PAFAH1B2: variants seen among roughly 807,000 people sequenced by gnomAD.
The protein encoded by PAFAH1B2 is platelet activating factor acetylhydrolase 1b catalytic subunit 2.
A neutral mutation model predicts 28.0 loss-of-function variants in PAFAH1B2; 8 were observed. The ratio of observed to expected loss-of-function variants is 0.29; its 90% CI spans 0.17 to 0.52. The LOEUF is 0.52. Ranked by LOEUF, PAFAH1B2 falls within the 20% of genes least tolerant of loss-of-function variation. PAFAH1B2 has a pLI of 0.97. For missense variants in PAFAH1B2, 190 were observed against 282.6 expected, an observed-to-expected ratio of 0.67 and a Z score of 2.35; for synonymous variants, 104 against 103.2, an observed-to-expected ratio of 1.01 and a Z score of -0.05.
chr11:117,175,669 G>A (rs1591761809), downstream of PAFAH1B2: 9 of 1,288,616 alleles, frequency 7.0e-6, no homozygotes, highest in South Asian at 4.0e-5. Flanking sequence ...GGAGTGCCCC[G>A]TTAAATTGCA....
downstream of PAFAH1B2, chr11:117,175,787 C>A: frequency 1.8e-6 from 2 of 1,135,148 alleles, no homozygotes; most frequent in Non-Finnish European, 2.5e-6. Flanking sequence ...ATGAGGCCAA[C>A]TTAGAGTAGT....
chr11:117,172,289 A>G (rs963069819), downstream of PAFAH1B2, among the ~76,000 whole-genome samples: 5 of 149,564 alleles, frequency 3.3e-5, no homozygotes, highest in East Asian at 4.0e-4. Context: ...CTAAACATAT[A>G]ATATTTGTGG....
chr11:117,152,647 G>A (rs186936552), intron 2 of PAFAH1B2, 119 bp downstream of exon 2: 40 of 709,670 alleles, frequency 5.6e-5, no homozygotes, highest in African/African-American at 5.1e-4. Context: ...CAAACTGCAG[G>A]GCTCAAGTGA....
intron 2 of PAFAH1B2, among the ~76,000 whole-genome samples, chr11:117,155,802 G>T (rs998394510): frequency 5.9e-5 from 9 of 152,018 alleles, no homozygotes; most frequent in African/African-American, 2.2e-4. Context: ...CAAGAGGATT[G>T]CTTAAGCACA....
intron 4 of PAFAH1B2, among the ~76,000 whole-genome samples, chr11:117,162,812 C>T (rs904133682): frequency 1.3e-5 from 2 of 151,854 alleles, no homozygotes; most frequent in Non-Finnish European, 2.9e-5. Context: ...CTCTGTGACT[C>T]TTTTCCTTGA....
At chr11:117,153,863 C>A (rs1738891558) in intron 2 of PAFAH1B2, among the ~76,000 whole-genome samples, 1 of 151,570 alleles carries the variant, frequency 6.6e-6, no homozygotes, top group South Asian at 2.1e-4. Flanking sequence ...TGATATAATA[C>A]TATTATTACT....
intron 2 of PAFAH1B2, 46 bp from the exon 3 acceptor site, chr11:117,159,888 G>C: frequency 7.1e-7 from 1 of 1,399,186 alleles, no homozygotes; most frequent in Non-Finnish European, 1.0e-6. Flanking sequence ...ACCACACCCA[G>C]CCAGAAGTGC....
In PAFAH1B2 at chr11:117,170,760, T is replaced by C. The variant is rs1400523293; in HGVS notation, c.*3061T>C. Reference sequence around the variant, plus strand: ...ATGAGCATTGCCAACTTTATATTTATTGCAGTGAAGAAGAAACTAAAAATA... The same window carrying C: ...ATGAGCATTGCCAACTTTATATTTACTGCAGTGAAGAAGAAACTAAAAATA... On this transcript the variant is annotated 3_prime_UTR_variant, in exon 6 of 6. Coordinates refer to ENST00000527958, the MANE Select transcript of PAFAH1B2 (RefSeq NM_002572.4). 1 of 1,061,322 alleles carries C rather than the reference T, an allele frequency of 9.4e-7. No homozygotes were observed. Among genetic ancestry groups the C allele is most frequent in the Admixed American group, 5.4e-5 (1 of 18,594 alleles). The allele number at this position is 1,061,322 out of a possible 1,614,324, so 65.7% of individuals were successfully genotyped here.
At chr11:117,165,043 C>T (rs770972928) in intron 5 of PAFAH1B2, among the ~76,000 whole-genome samples, 1 of 146,638 alleles carries the variant, frequency 6.8e-6, no homozygotes, top group Non-Finnish European at 1.5e-5. Context: ...GCAAGCTCGG[C>T]CTCCCAGGTT....
rs548561208 is a variant in PAFAH1B2, at chr11:117,164,607, CA to C, written c.411+716del. On this transcript the variant is annotated intron_variant, in intron 5 of 5. Coordinates refer to ENST00000527958, the MANE Select transcript of PAFAH1B2 (RefSeq NM_002572.4). ...TTAGACATTCTAATCTTCTCTAAAA[CA>C]TAAAAAATTTCATCAGCAAGAAAAT... Among the ~76,000 whole-genome samples the C allele has an allele frequency of 2.8e-3, 433 of 152,258 alleles. 1 individual carries two copies. The highest frequency in any genetic ancestry group is 9.8e-3 in the African/African-American group (409 of 41,548).
At chr11:117,174,052 A>G (rs902017751), downstream of PAFAH1B2, among the ~76,000 whole-genome samples, 1 of 152,166 alleles carries the variant, frequency 6.6e-6, no homozygotes, top group Non-Finnish European at 1.5e-5. Context: ...TCTCCCACCC[A>G]TAGGCATGGC....
At position 117,165,366 on chromosome 11, in the gene PAFAH1B2, T is replaced by G. The variant is rs1031200602; in HGVS notation, c.411+1474T>G. On this transcript the variant is annotated intron_variant, in intron 5 of 5. Transcript: ENST00000527958. Reference sequence around the variant, plus strand: ...CTCGGTCTCAAAAAAAAAAAAAAAATGTCTAGCTGTAGATATTCTTAGTCA... The same window carrying G: ...CTCGGTCTCAAAAAAAAAAAAAAAAGGTCTAGCTGTAGATATTCTTAGTCA... Among the ~76,000 whole-genome samples, 6 of 143,910 alleles carry G rather than the reference T, an allele frequency of 4.2e-5. No homozygotes were observed. The South Asian group carries it at 6.5e-4, about 16-fold the overall frequency. 94.4% of individuals were successfully genotyped at this position (143,910 alleles called of 152,430 possible).
In PAFAH1B2 at chr11:117,170,509, G is replaced by A; in HGVS notation, c.*2810G>A. 9.5e-7 allele frequency: 1 copy of A among 1,058,160 alleles called. No homozygotes were observed. Among genetic ancestry groups the A allele is most frequent in the South Asian group, 4.6e-5 (1 of 21,814 alleles). 65.5% of individuals were successfully genotyped at this position (1,058,160 alleles called of 1,614,324 possible). Reference sequence around the variant, plus strand: ...TAGACAGCGCTCTGGCTACCACCGTGAGGCTACTTGAACTGTCAGGGGCAT... The same window carrying A: ...TAGACAGCGCTCTGGCTACCACCGTAAGGCTACTTGAACTGTCAGGGGCAT... On this transcript the variant is annotated 3_prime_UTR_variant, in exon 6 of 6. Transcript: ENST00000527958.
Position 117,170,170 on chromosome 11 carries a change from G to A in PAFAH1B2, c.*2471G>A, listed in dbSNP as rs1956617000. The A allele has an allele frequency of 9.5e-7, 1 of 1,055,910 alleles. No homozygotes were observed. The highest frequency in any genetic ancestry group is 1.1e-6 in the Non-Finnish European group (1 of 873,466). 65.4% of individuals were successfully genotyped at this position (1,055,910 alleles called of 1,614,324 possible). ...TTCTTTGACATCCTAGTTTGCGTCA[G>A]TGACAGAACTTACTGCTTAGTCTTT... On this transcript the variant is annotated 3_prime_UTR_variant, in exon 6 of 6. Coordinates refer to ENST00000527958, the MANE Select transcript of PAFAH1B2 (RefSeq NM_002572.4).
intron 2 of PAFAH1B2, among the ~76,000 whole-genome samples, chr11:117,157,032 C>CAAAAAA (rs201278098): frequency 1.5e-5 from 1 of 67,768 alleles, no homozygotes; most frequent in Non-Finnish European, 3.2e-5. Flanking sequence ...CTCAAAATCT[C>CAAAAAA]AAAAAAGAAA....
downstream of PAFAH1B2, among the ~76,000 whole-genome samples, chr11:117,173,705 C>G (rs1237891921): frequency 3.9e-5 from 6 of 152,138 alleles, no homozygotes; most frequent in African/African-American, 1.4e-4. Context: ...GAGACCTTCC[C>G]CAGTATGGCA....
intron 5 of PAFAH1B2, 74 bp downstream of exon 5, chr11:117,163,966 C>A: frequency 6.7e-7 from 1 of 1,482,256 alleles, no homozygotes; most frequent in Non-Finnish European, 9.4e-7. Context: ...AATGTGATTG[C>A]TCATGAATAT....
chr11:117,171,502 C>T (rs960881812), downstream of PAFAH1B2: 55 of 572,152 alleles, frequency 9.6e-5, no homozygotes, highest in Admixed American at 7.9e-4. Context: ...CGCCATTGCA[C>T]TCCAGCCTGG....
Position 117,169,428 on chromosome 11 carries a change from C to A in PAFAH1B2, c.*1729C>A. 9.5e-7 allele frequency: 1 copy of A among 1,053,080 alleles called. No homozygotes were observed. Among genetic ancestry groups the A allele is most frequent in the Non-Finnish European group, 1.1e-6 (1 of 871,710 alleles). The allele number at this position is 1,053,080 out of a possible 1,614,324, so 65.2% of individuals were successfully genotyped here. On this transcript the variant is annotated 3_prime_UTR_variant, in exon 6 of 6. Transcript: ENST00000527958. The stretch of plus-strand genomic sequence containing the variant: ...CATCAAAATATGCTCTGCAGTGATT[C>A]CGCTTAATGTTTAAATTCAGTAACG...
Sources: gnomAD v4.1 joint callset for allele counts (sites outside exome capture counted in the v4.1 genomes callset) on GRCh38, gnomAD v4.1.1 for gene constraint, MANE v1.5 for transcripts, NCBI Gene and HGNC (gene_info 2026-07-23, HGNC 2026-07-21) for gene names.